The following GLIS3 variants were observed in gnomAD, a reference collection of about 807,000 sequenced individuals.
GLIS3 encodes GLIS family zinc finger 3, also known as zinc finger protein GLIS3.
GLIS3 carries 53 observed loss-of-function variants against 78.6 expected under a neutral mutation model. The observed-to-expected ratio is 0.67, with a 90% CI of 0.54 to 0.85. The LOEUF is 0.85. GLIS3 is among the 40% of genes least tolerant of loss of function. The probability of loss-of-function intolerance (pLI) is 0.00; values close to 1 mark genes in which losing one functional copy is unlikely to be tolerated. For missense variants in GLIS3, 1,703 were observed against 1,231.1 expected (o/e 1.38, Z -5.74); for synonymous variants, 684 against 509.9 (o/e 1.34, Z -4.60).
chr9:4,120,018 T>A (rs1832058191), intron 3 of GLIS3, among the ~76,000 whole-genome samples: 1 of 152,234 alleles, frequency 6.6e-6, no homozygotes, highest in African/African-American at 2.4e-5. Context: ...CCTGGCTTAT[T>A]ATATGTACCT....
chr9:4,422,640 C>T, the GLIS3 span, among the ~76,000 whole-genome samples: 8 of 152,292 alleles, frequency 5.3e-5, no homozygotes, highest in South Asian at 4.1e-4. Flanking sequence ...GCCAGTCTAC[C>T]GGGGGAAGTC....
chr9:4,129,353 T>C (rs1334242402), intron 2 of GLIS3, among the ~76,000 whole-genome samples: 2 of 152,138 alleles, frequency 1.3e-5, no homozygotes, highest in East Asian at 3.9e-4. Flanking sequence ...CCCTCTGATA[T>C]GGTTTGGATC....
chr9:4,230,748 T>C (rs917716142), intron 2 of GLIS3, among the ~76,000 whole-genome samples: 5 of 152,214 alleles, frequency 3.3e-5, no homozygotes, highest in Admixed American at 6.5e-5. Flanking sequence ...ATAAAAGAAA[T>C]AGCATAAAAA....
At chr9:4,323,667 A>G (rs1265122939) in intron 2 of GLIS3, among the ~76,000 whole-genome samples, 1 of 152,130 alleles carries the variant, frequency 6.6e-6, no homozygotes, top group Non-Finnish European at 1.5e-5. Context: ...AGCATCATGT[A>G]TGTCTCCTCT....
At chr9:4,157,132 T>C (rs1028993469) in intron 2 of GLIS3, among the ~76,000 whole-genome samples, 1 of 152,204 alleles carries the variant, frequency 6.6e-6, no homozygotes, top group African/African-American at 2.4e-5. Flanking sequence ...TTCAGAAAGG[T>C]GCGTGCGGTA....
intron 4 of GLIS3, among the ~76,000 whole-genome samples, chr9:4,036,418 TAAAG>T (rs956162628): frequency 6.6e-6 from 1 of 152,182 alleles, no homozygotes; most frequent in African/African-American, 2.4e-5. Flanking sequence ...GATGTATAAA[TAAAG>T]AGTGGGTTTT....
the GLIS3 span, among the ~76,000 whole-genome samples, chr9:4,465,956 A>C: frequency 2.6e-5 from 4 of 152,246 alleles, no homozygotes; most frequent in African/African-American, 9.6e-5. Context: ...AGATGAGACT[A>C]CTTTAAAAAT....
intron 2 of GLIS3, among the ~76,000 whole-genome samples, chr9:4,264,427 C>A (rs187498663): frequency 2.0e-5 from 3 of 152,290 alleles, no homozygotes; most frequent in Non-Finnish European, 4.4e-5. Context: ...TATGGTAACA[C>A]GATGTCCTTT....
At chr9:4,227,800 G>A (rs1445560572) in intron 2 of GLIS3, among the ~76,000 whole-genome samples, 2 of 152,218 alleles carry the variant, frequency 1.3e-5, no homozygotes, top group Non-Finnish European at 2.9e-5. Flanking sequence ...CAAGGGAGAA[G>A]CAATTCTGAT....
chr9:3,990,860 C>T (rs1820177906), intron 4 of GLIS3, among the ~76,000 whole-genome samples: 2 of 152,136 alleles, frequency 1.3e-5, no homozygotes, highest in South Asian at 4.1e-4. Context: ...TCCCTCTCTT[C>T]CAAAATATAC....
intron 2 of GLIS3, among the ~76,000 whole-genome samples, chr9:4,331,309 C>G (rs1817681601): frequency 6.6e-6 from 1 of 152,100 alleles, no homozygotes; most frequent in Admixed American, 6.5e-5. Context: ...TGAGTCCTCT[C>G]CTTGTCTCGT....
At chr9:4,140,220 G>C (rs1185028658) in intron 2 of GLIS3, among the ~76,000 whole-genome samples, 1 of 151,976 alleles carries the variant, frequency 6.6e-6, no homozygotes, top group African/African-American at 2.4e-5. Context: ...GCTACTTGTG[G>C]GGCTAAGGTG....
At chr9:4,383,536 A>T in the GLIS3 span, among the ~76,000 whole-genome samples, 1 of 152,228 alleles carries the variant, frequency 6.6e-6, no homozygotes, top group Admixed American at 6.5e-5. Context: ...TAAGAACAGC[A>T]TGTGCTCCAA....
At chr9:4,439,089 C>T in the GLIS3 span, among the ~76,000 whole-genome samples, 42 of 152,108 alleles carry the variant, frequency 2.8e-4, no homozygotes, top group Admixed American at 1.5e-3. Context: ...CTCTTCAACA[C>T]GCTTTCATGT....
intron 9 of GLIS3, among the ~76,000 whole-genome samples, chr9:3,839,117 C>A (rs1212936041): frequency 6.6e-6 from 1 of 152,128 alleles, no homozygotes; most frequent in African/African-American, 2.4e-5. Context: ...CATTTTTGTC[C>A]TGTAAGCAGG....
chr9:4,277,614 A>G (rs2130244093), intron 2 of GLIS3, among the ~76,000 whole-genome samples: 1 of 152,326 alleles, frequency 6.6e-6, no homozygotes, highest in East Asian at 1.9e-4. Flanking sequence ...AACGCTAATG[A>G]ATAACTAACT....
At chr9:4,167,442 A>T (rs1376742574) in intron 2 of GLIS3, among the ~76,000 whole-genome samples, 2 of 152,208 alleles carry the variant, frequency 1.3e-5, no homozygotes, top group Non-Finnish European at 2.9e-5. Context: ...GTGATTTCAC[A>T]TATATCCTCA....
intron 4 of GLIS3, among the ~76,000 whole-genome samples, chr9:4,070,099 T>C (rs189226004): frequency 2.4e-4 from 37 of 152,242 alleles, no homozygotes; most frequent in Admixed American, 2.0e-3. Context: ...ACTATAAATA[T>C]ATATAATATA....
chr9:4,084,746 G>A (rs1333491583), intron 4 of GLIS3, among the ~76,000 whole-genome samples: 1 of 152,090 alleles, frequency 6.6e-6, no homozygotes, highest in Non-Finnish European at 1.5e-5. Context: ...GAGCTCTGGT[G>A]ACCTAACAAA....
Sources: gnomAD v4.1 joint callset for allele counts (sites outside exome capture counted in the v4.1 genomes callset) on GRCh38, gnomAD v4.1.1 for gene constraint, MANE v1.5 for transcripts, NCBI Gene and HGNC (gene_info 2026-07-23, HGNC 2026-07-21) for gene names.